Variants in LY75 observed in about 807,000 individuals in gnomAD.
The protein encoded by LY75 is C-type lectin domain family 13 member B.
In LY75, 185 loss-of-function variants were observed where a neutral mutation model predicts 231.7. That is an observed-to-expected ratio of 0.80 (90% confidence interval 0.71 to 0.90). The LOEUF is 0.90. Among genes scored for constraint, LY75 ranks in the 40% least tolerant of loss-of-function variants. The pLI, the probability that LY75 is intolerant of heterozygous loss-of-function variation, is 0.00. For synonymous variants in LY75, 668 were observed against 689.0 expected, an observed-to-expected ratio of 0.97 and a Z score of 0.48; for missense variants, 1,947 against 2,050.2, an observed-to-expected ratio of 0.95 and a Z score of 0.97.
intron 23 of LY75, among the ~76,000 whole-genome samples, chr2:159,848,068 G>GTATATATATATA (rs557189751): frequency 2.1e-4 from 26 of 123,854 alleles, no homozygotes; most frequent in East Asian, 1.1e-3. Context: ...ATTATGGTGT[G>GTATATATATATA]TATATATATA....
chr2:159,841,005 G>A, intron 24 of LY75, 50 bp from the exon 25 acceptor site: 1 of 1,593,460 alleles, frequency 6.3e-7, no homozygotes, highest in Non-Finnish European at 8.5e-7. Flanking sequence ...CCCACACTCT[G>A]CAAGTTATGG....
At position 159,810,663 on chromosome 2, in the gene LY75, G is replaced by A; in HGVS notation, c.4562C>T (p.Ser1521Phe). 1 of 1,610,380 alleles carries A rather than the reference G, an allele frequency of 6.2e-7. No individual in the cohort carries two copies. The highest frequency in any genetic ancestry group is 1.7e-5 in the Admixed American group (1 of 59,104). The change falls in exon 32 of 35, where the codon TCC becomes TTC. Residue 1521 changes from serine to phenylalanine, a missense_variant. Coordinates refer to ENST00000263636, the MANE Select transcript of LY75 (RefSeq NM_002349.4). ...CYKPTKSKKL[S>F]RLTYSSRCPA... ...ACATCTTGATGAATATGTAAGACGG[G>A]ACAGCTTTTTAGCTATAAAAATGTT...
At chr2:159,837,621 G>A (rs1466277222) in intron 25 of LY75, among the ~76,000 whole-genome samples, 2 of 151,342 alleles carry the variant, frequency 1.3e-5, no homozygotes, top group East Asian at 3.9e-4. Context: ...AATCCTGCAT[G>A]TGTACCCCCT....
intron 12 of LY75, 55 bp downstream of exon 12, chr2:159,875,389 C>G: frequency 6.3e-7 from 1 of 1,585,694 alleles, no homozygotes; most frequent in East Asian, 2.2e-5. Flanking sequence ...AGGACATGAA[C>G]AAGGGTAGTG....
rs57094955 is a variant in LY75 at position 159,876,154 on chromosome 2, G to A, written c.1775-511C>T. Among the ~76,000 whole-genome samples, 1,018 of 152,236 alleles carry A rather than the reference G, an allele frequency of 6.7e-3. 14 individuals are homozygous for A. Among genetic ancestry groups the A allele is most frequent in the African/African-American group, 0.023 (951 of 41,552 alleles). On this transcript the variant is annotated intron_variant, in intron 11 of 34. Transcript: ENST00000263636. ...ATGTGGTAACATACATTTGTTTACCGTTAATTTTATGACAGTCATAATTTT... is the reference window on the plus strand; with the variant it reads ...ATGTGGTAACATACATTTGTTTACCATTAATTTTATGACAGTCATAATTTT...
At position 159,875,492 on chromosome 2, in the gene LY75, G is replaced by C. The variant is rs201863337; in HGVS notation, c.1926C>G (p.Pro642=). ...GGAAACTCTGCCAGCCTTCAGGACA[G>C]GGGTCATCAGGCTTAGGGGATGCTT... ...PEEASPKPDD[P]CPEGWQSFPA... The change falls in exon 12 of 35, where the codon CCC becomes CCG. Residue 642 remains proline (P), a synonymous_variant. Transcript: ENST00000263636. 148 of 1,613,924 alleles carry C rather than the reference G, an allele frequency of 9.2e-5. No individual in the cohort carries two copies. Among genetic ancestry groups the C allele is most frequent in the Non-Finnish European group, 1.2e-4 (147 of 1,179,998 alleles).
Position 159,860,849 on chromosome 2 carries a change from T to C in LY75, c.2240A>G (p.Tyr747Cys), listed in dbSNP as rs754421330. 6.2e-7 allele frequency: 1 copy of C among 1,614,036 alleles called. No homozygotes were observed. Among genetic ancestry groups the C allele is most frequent in the Non-Finnish European group, 8.5e-7 (1 of 1,179,928 alleles). ...IIMPNEFQQD[Y>C]DIRDCAAVKV... is the part of the protein sequence containing the mutation. Reference sequence around the variant, plus strand: ...GACAGCAGCACAGTCTCTGATGTCATAATCCTGCTGAAACTCATTTGGCAT... The same window carrying C: ...GACAGCAGCACAGTCTCTGATGTCACAATCCTGCTGAAACTCATTTGGCAT... The change falls in exon 15 of 35, where the codon TAT (tyrosine) becomes TGT (cysteine). Residue 747 changes from tyrosine to cysteine, a missense_variant. By Grantham distance (194) the Tyr-to-Cys change is radical. Transcript: ENST00000263636.
intron 18 of LY75, 42 bp downstream of exon 18, chr2:159,854,318 C>A: frequency 8.0e-7 from 1 of 1,250,406 alleles, no homozygotes; most frequent in Non-Finnish European, 1.0e-6. Context: ...GGAATAAATA[C>A]AAAAATAAGA....
chr2:159,849,207 G>A (rs1168716761), intron 23 of LY75, among the ~76,000 whole-genome samples: 1 of 152,156 alleles, frequency 6.6e-6, no homozygotes, highest in African/African-American at 2.4e-5. Context: ...AGGAATATCA[G>A]TTGATTACTG....
chr2:159,871,472 T>C (rs1172918417), intron 13 of LY75, among the ~76,000 whole-genome samples: 1 of 152,038 alleles, frequency 6.6e-6, no homozygotes. Context: ...TTAAAAAATT[T>C]AAAAAATTTT....
At chr2:159,843,156 A>T (rs1684094411) in intron 23 of LY75, among the ~76,000 whole-genome samples, 1 of 152,042 alleles carries the variant, frequency 6.6e-6, no homozygotes, top group Non-Finnish European at 1.5e-5. Flanking sequence ...AATGAACAAA[A>T]ACAGAACCCC....
intron 3 of LY75, among the ~76,000 whole-genome samples, chr2:159,892,055 T>C (rs1685774806): frequency 1.3e-5 from 2 of 152,234 alleles, no homozygotes; most frequent in Non-Finnish European, 2.9e-5. Context: ...CCTCCAAGTG[T>C]GGTTCCCAGA....
chr2:159,860,929 T>C (rs1684683343), intron 14 of LY75, 40 bp from the exon 15 acceptor site: 2 of 1,610,722 alleles, frequency 1.2e-6, no homozygotes, highest in African/African-American at 1.3e-5. Context: ...AAGACTGATG[T>C]ATAAATATTT....
In LY75 at chr2:159,859,728, G is replaced by A. The variant is rs577806152; in HGVS notation, c.2268+1093C>T. Among the ~76,000 whole-genome samples, 116 of 152,236 alleles carry A rather than the reference G, an allele frequency of 7.6e-4. 1 individual carries two copies. The highest frequency in any genetic ancestry group is 2.7e-3 in the African/African-American group (112 of 41,524). On this transcript the variant is annotated intron_variant, in intron 15 of 34. Transcript: ENST00000263636. ...GTTTAAATTTACTCCATGTAAGCTG[G>A]GGTAAATTACTCACAGCTCAAATTT...
At chr2:159,855,785 C>A (rs552612983) in intron 16 of LY75, among the ~76,000 whole-genome samples, 1 of 152,170 alleles carries the variant, frequency 6.6e-6, no homozygotes, top group African/African-American at 2.4e-5. Flanking sequence ...CGTTCCTCCC[C>A]CTTTTCATTC....
intron 4 of LY75, 87 bp from the exon 5 acceptor site, chr2:159,886,617 T>A (rs1326746310): frequency 7.6e-7 from 1 of 1,311,622 alleles, no homozygotes; most frequent in Non-Finnish European, 1.0e-6. Flanking sequence ...AACAAACAAA[T>A]CTGCAGACCT....
intron 3 of LY75, among the ~76,000 whole-genome samples, chr2:159,893,034 C>T (rs1685806840): frequency 6.6e-6 from 1 of 152,174 alleles, no homozygotes; most frequent in South Asian, 2.1e-4. Flanking sequence ...AAAAAAGCCA[C>T]TGTTTTGGAC....
intron 18 of LY75, among the ~76,000 whole-genome samples, chr2:159,854,125 T>C (rs1008795883): frequency 6.6e-6 from 1 of 152,172 alleles, no homozygotes; most frequent in Non-Finnish European, 1.5e-5. Context: ...ATGATCTATA[T>C]TATCTACTGA....
chr2:159,899,636 GCCTCTGTGCT>G (rs1034743681), intron 1 of LY75, among the ~76,000 whole-genome samples: 3 of 152,178 alleles, frequency 2.0e-5, no homozygotes, highest in African/African-American at 7.2e-5. Context: ...ACATAGTGAG[GCCTCTGTGCT>G]CCTCTGCCTT....
Sources: allele counts gnomAD v4.1 joint callset (sites outside exome capture counted in the v4.1 genomes callset), GRCh38; gene constraint gnomAD v4.1.1; transcripts MANE v1.5; gene names NCBI Gene and HGNC (gene_info 2026-07-23, HGNC 2026-07-21).